The following CELF2 variants were observed in gnomAD, a reference collection of about 807,000 sequenced individuals.
CELF2 encodes CUGBP Elav-like family member 2, also known as CUG triplet repeat RNA-binding protein 2.
CELF2 carries 8 observed loss-of-function variants against 62.6 expected under a neutral mutation model. The observed-to-expected ratio is 0.13, with a 90% CI of 0.07 to 0.23. The LOEUF (loss-of-function observed/expected upper bound fraction) is 0.23, where lower values mean the gene tolerates loss of function less well. Among genes scored for constraint, CELF2 ranks in the 10% least tolerant of loss-of-function variants. CELF2 has a pLI of 1.00. For missense variants in CELF2, 333 were observed against 671.0 expected (o/e 0.50, Z 5.56); for synonymous variants, 258 against 250.0 (o/e 1.03, Z -0.30).
Position 11,324,111 on chromosome 10 carries a change from G to A in CELF2, c.1295-1725G>A, listed in dbSNP as rs1470752738. On this transcript the variant is annotated intron_variant, in intron 11 of 12. Coordinates refer to ENST00000633077, the MANE Select transcript of CELF2 (RefSeq NM_001326342.2). This position sits in a 1 kb window ranked among gnomAD's most constrained non-coding sequence, Gnocchi z 4.7. ...TGGTCTCTCTGTTTCCTTGGTCTCTGTTGGGCATAGACAAATTCAGCATGA... is the reference window on the plus strand; with the variant it reads ...TGGTCTCTCTGTTTCCTTGGTCTCTATTGGGCATAGACAAATTCAGCATGA... 2.0e-5 allele frequency among the ~76,000 whole-genome samples: 3 copies of A among 152,134 alleles called. No homozygotes were observed. The highest frequency in any genetic ancestry group is 2.1e-4 in the South Asian group (1 of 4,824).
rs1242429315 is a variant in CELF2 at position 11,229,188 on chromosome 10, C to T, written c.354+11681C>T. Among the ~76,000 whole-genome samples, 35 of 152,144 alleles carry T rather than the reference C, an allele frequency of 2.3e-4. 1 individual carries two copies. ...GTTGCTCTTTTCAGCAAACCATGCCCCCGTGATTTCTCTGCAAGGTTATGC... is the reference window on the plus strand; with the variant it reads ...GTTGCTCTTTTCAGCAAACCATGCCTCCGTGATTTCTCTGCAAGGTTATGC... On this transcript the variant is annotated intron_variant, in intron 3 of 12. Transcript: ENST00000633077.
At chr10:11,291,869 G>C (rs1474333168) in intron 9 of CELF2, among the ~76,000 whole-genome samples, 1 of 152,206 alleles carries the variant, frequency 6.6e-6, no homozygotes, top group East Asian at 1.9e-4. Flanking sequence ...TTGAGCGCTT[G>C]AAGAGACTGT....
At chr10:10,946,489 G>A (rs753548544) in intron 2 of CELF2, 1 of 152,602 alleles carries the variant, frequency 6.6e-6, no homozygotes, top group Non-Finnish European at 1.5e-5. Context: ...GCATAAAAAT[G>A]TACTGTATAT....
At chr10:10,899,613 C>T (rs1458678585) in intron 1 of CELF2, among the ~76,000 whole-genome samples, 4 of 152,158 alleles carry the variant, frequency 2.6e-5, no homozygotes, top group East Asian at 1.9e-4. Flanking sequence ...AGTCCGTTCT[C>T]GCACTGCTAT....
chr10:10,587,364 C>T, the CELF2 span, among the ~76,000 whole-genome samples: 6 of 152,146 alleles, frequency 3.9e-5, no homozygotes, highest in Non-Finnish European at 7.4e-5. Flanking sequence ...TGAACCCAAA[C>T]GCATTTGCAT....
intron 5 of CELF2, among the ~76,000 whole-genome samples, chr10:11,264,849 A>G (rs1046377204): frequency 6.6e-6 from 1 of 152,240 alleles, no homozygotes; most frequent in Non-Finnish European, 1.5e-5. Context: ...GCTGTCAGAG[A>G]ACCACATGAG....
At chr10:11,023,500 T>C (rs1434076261) in intron 1 of CELF2, among the ~76,000 whole-genome samples, 2 of 152,346 alleles carry the variant, frequency 1.3e-5, no homozygotes, top group Middle Eastern at 3.4e-3. Flanking sequence ...CATCACCGTG[T>C]AATTGTTCCA....
At chr10:10,565,568 C>T in the CELF2 span, among the ~76,000 whole-genome samples, 3 of 152,188 alleles carry the variant, frequency 2.0e-5, no homozygotes, top group Admixed American at 6.5e-5. Flanking sequence ...TAAGACCTGG[C>T]TCTAGAGGGT....
chr10:10,943,114 C>T (rs2047229867), intron 2 of CELF2, among the ~76,000 whole-genome samples: 1 of 152,220 alleles, frequency 6.6e-6, no homozygotes, highest in Non-Finnish European at 1.5e-5. Context: ...TGTTGTCCTT[C>T]CTGTCTATAT....
In CELF2 at chr10:11,318,507, C is replaced by G. The variant is rs913601923; in HGVS notation, c.1097-2682C>G. On this transcript the variant is annotated intron_variant, in intron 10 of 12. Coordinates refer to ENST00000633077, the MANE Select transcript of CELF2 (RefSeq NM_001326342.2). This position sits in a 1 kb window ranked among gnomAD's most constrained non-coding sequence, Gnocchi z 5.4. ...ACCAGCAGAAGTAAACACGACCCTT[C>G]CAGAAAGCAGATTAGCTCTGAGGTG... 2.9e-6 allele frequency: 1 copy of G among 348,320 alleles called. No individual in the cohort carries two copies. Among genetic ancestry groups the G allele is most frequent in the Non-Finnish European group, 5.7e-6 (1 of 176,520 alleles). 21.6% of individuals were successfully genotyped at this position (348,320 alleles called of 1,614,324 possible). A position where few individuals can be genotyped will look rare whatever the true frequency, so the allele number is the denominator to read the frequency against.
intron 1 of CELF2, among the ~76,000 whole-genome samples, chr10:11,089,295 T>A (rs1355103670): frequency 6.6e-6 from 1 of 152,202 alleles, no homozygotes; most frequent in Non-Finnish European, 1.5e-5. Flanking sequence ...AGATGACTAA[T>A]TCAGTTAACA....
At chr10:10,591,836 T>C in the CELF2 span, among the ~76,000 whole-genome samples, 1 of 152,240 alleles carries the variant, frequency 6.6e-6, no homozygotes, top group Non-Finnish European at 1.5e-5. Context: ...CCAAAGTCTC[T>C]CCTGCACTCA....
chr10:10,799,838 A>G (rs2131479794), intron 1 of CELF2, among the ~76,000 whole-genome samples: 1 of 152,316 alleles, frequency 6.6e-6, no homozygotes, highest in South Asian at 2.1e-4. Flanking sequence ...TTCCTAGCAA[A>G]TGCGTTTTTG....
At chr10:10,737,122 A>G in the CELF2 span, among the ~76,000 whole-genome samples, 1 of 152,212 alleles carries the variant, frequency 6.6e-6, no homozygotes, top group Non-Finnish European at 1.5e-5. Context: ...GGAAAAAAGT[A>G]TAAGTCTTGG....
the CELF2 span, among the ~76,000 whole-genome samples, chr10:10,716,563 G>A: frequency 3.6e-3 from 549 of 152,326 alleles, 3 homozygotes; most frequent in African/African-American, 0.013. Flanking sequence ...AAAAATCATT[G>A]AGAATGAACA....
intron 1 of CELF2, among the ~76,000 whole-genome samples, chr10:11,049,558 T>A (rs1309591877): frequency 1.0e-5 from 1 of 96,898 alleles, no homozygotes; most frequent in Non-Finnish European, 2.0e-5. Context: ...CTTTCTTTAG[T>A]AAAAAAAAAA....
intron 6 of CELF2, 112 bp downstream of exon 6, chr10:11,266,789 A>C: frequency 4.2e-6 from 3 of 720,538 alleles, no homozygotes; most frequent in South Asian, 2.2e-5. Flanking sequence ...GTAAACTTTC[A>C]CCATCTCAGT....
intron 1 of CELF2, among the ~76,000 whole-genome samples, chr10:11,029,091 G>T (rs768989199): frequency 1.3e-5 from 2 of 152,154 alleles, no homozygotes; most frequent in Non-Finnish European, 2.9e-5. Flanking sequence ...CTCATAAGGT[G>T]CTCAGGCCGC....
At chr10:10,782,322 G>A in the CELF2 span, among the ~76,000 whole-genome samples, 11 of 152,326 alleles carry the variant, frequency 7.2e-5, no homozygotes, top group East Asian at 7.7e-4. Flanking sequence ...AGAGCTGTTC[G>A]TATAAATCGC....
Sources: gnomAD v4.1 joint callset for allele counts (sites outside exome capture counted in the v4.1 genomes callset) on GRCh38, gnomAD v4.1.1 for gene constraint, Gnocchi (gnomAD v3.1) non-coding constraint, MANE v1.5 for transcripts, NCBI Gene and HGNC (gene_info 2026-07-23, HGNC 2026-07-21) for gene names.